GAN: variants seen among roughly 807,000 people sequenced by gnomAD.
GAN encodes gigaxonin.
A neutral mutation model predicts 71.3 loss-of-function variants in GAN; 48 were observed. That is an observed-to-expected ratio of 0.67 (90% CI 0.53 to 0.86). GAN has a LOEUF of 0.86. GAN is among the 40% of genes least tolerant of loss of function. The pLI, the probability that GAN is intolerant of heterozygous loss-of-function variation, is 0.00. For synonymous variants in GAN, 386 were observed against 276.8 expected, an observed-to-expected ratio of 1.39 and a Z score of -3.92; for missense variants, 928 against 770.1, an observed-to-expected ratio of 1.21 and a Z score of -2.43.
In GAN at chr16:81,345,562, CAG is replaced by C. The variant is rs1241536562; in HGVS notation, c.168-6020_168-6019del. On this transcript the variant is annotated intron_variant, in intron 1 of 10. Coordinates refer to ENST00000648994, the MANE Select transcript of GAN (RefSeq NM_022041.4). ...GTTGAACAATGAGAACACATGGACA[CAG>C]GGAGGGGAACATCGCACACTGGGGC... Among the ~76,000 whole-genome samples, 3 of 151,984 alleles carry C rather than the reference CAG, an allele frequency of 2.0e-5. No homozygotes were observed. The East Asian group carries it at 5.8e-4, about 29-fold the overall frequency.
At chr16:81,354,240 G>T (rs1322657383) in intron 2 of GAN, among the ~76,000 whole-genome samples, 165 bp from the exon 3 acceptor site, 2 of 89,186 alleles carry the variant, frequency 2.2e-5, no homozygotes, top group East Asian at 8.4e-4. Flanking sequence ...TCCAACTCTT[G>T]GAAAAAAAAA....
Position 81,378,054 on chromosome 16 carries a change from T to C in GAN, c.*458T>C, listed in dbSNP as rs555371884. 54 of 233,342 alleles carry C rather than the reference T, an allele frequency of 2.3e-4. No homozygotes were observed. The highest frequency in any genetic ancestry group is 1.1e-3 in the African/African-American group (49 of 44,578). 14.5% of individuals were successfully genotyped at this position (233,342 alleles called of 1,614,324 possible). On this transcript the variant is annotated 3_prime_UTR_variant, in exon 11 of 11. Coordinates refer to ENST00000648994, the MANE Select transcript of GAN (RefSeq NM_022041.4). ...TGCTTTTCCACTGCACTTGGAAGGA[T>C]ATATTATGCCTAACCCTGCCCAACA...
intron 1 of GAN, among the ~76,000 whole-genome samples, chr16:81,339,128 C>T (rs1409180655): frequency 6.6e-6 from 1 of 152,136 alleles, no homozygotes; most frequent in African/African-American, 2.4e-5. Context: ...GAAGAAGCAC[C>T]TATTAACCCC....
At position 81,314,980 on chromosome 16, in the gene GAN, C is replaced by T. The variant is rs762315554; in HGVS notation, c.-134C>T. The T allele has an allele frequency of 2.2e-5, 16 of 729,488 alleles. No individual in the cohort carries two copies. The highest frequency in any genetic ancestry group is 3.0e-5 in the Non-Finnish European group (15 of 506,232). 45.2% of individuals were successfully genotyped at this position (729,488 alleles called of 1,614,324 possible). On this transcript the variant is annotated 5_prime_UTR_variant, in exon 1 of 11. Transcript: ENST00000648994. The stretch of plus-strand genomic sequence containing the variant: ...GCGCCGCGGATAGCACAGGCACGTC[C>T]CGGGGGCTCCAGCTTCTGCTCAGAG...
At chr16:81,376,782 G>GT (rs1904282898) in intron 9 of GAN, among the ~76,000 whole-genome samples, 1 of 152,144 alleles carries the variant, frequency 6.6e-6, no homozygotes, top group East Asian at 1.9e-4. Flanking sequence ...GAAGGCTGGG[G>GT]TGGGAGGATC....
intron 2 of GAN, among the ~76,000 whole-genome samples, chr16:81,352,545 C>A (rs1910334243): frequency 1.3e-5 from 2 of 152,128 alleles, no homozygotes; most frequent in Non-Finnish European, 2.9e-5. Context: ...CCTACTCTCT[C>A]CTTTATTCTT....
At chr16:81,377,110 A>G in intron 9 of GAN, 109 bp from the exon 10 acceptor site, 1 of 795,268 alleles carries the variant, frequency 1.3e-6, no homozygotes, top group Non-Finnish European at 2.3e-6. Context: ...CGAGATTGGC[A>G]CAGTGCCTGA....
intron 1 of GAN, among the ~76,000 whole-genome samples, chr16:81,332,302 G>C (rs185402304): frequency 6.6e-6 from 1 of 152,226 alleles, no homozygotes; most frequent in African/African-American, 2.4e-5. Context: ...CAGACTGGCT[G>C]TGGGGTTGCA....
chr16:81,317,190 A>G (rs1173175528), intron 1 of GAN, among the ~76,000 whole-genome samples: 1 of 152,204 alleles, frequency 6.6e-6, no homozygotes. Context: ...TACTCTTTGC[A>G]CCCAGAAAGA....
intron 9 of GAN, among the ~76,000 whole-genome samples, chr16:81,367,169 A>G (rs902998640): frequency 2.4e-4 from 36 of 152,178 alleles, no homozygotes; most frequent in Admixed American, 1.3e-4. Flanking sequence ...TAATATAACT[A>G]TCACTTGCTT....
At chr16:81,371,576 C>T (rs1911037147) in intron 9 of GAN, among the ~76,000 whole-genome samples, 1 of 152,066 alleles carries the variant, frequency 6.6e-6, no homozygotes, top group African/African-American at 2.4e-5. Flanking sequence ...ATAGATGGTT[C>T]CAGGGTTAGT....
intron 9 of GAN, among the ~76,000 whole-genome samples, chr16:81,365,709 C>T (rs979135867): frequency 6.6e-6 from 1 of 151,272 alleles, no homozygotes; most frequent in African/African-American, 2.4e-5. Context: ...CGCTTAGTTG[C>T]TTAAAATCAT....
At position 81,388,832 on chromosome 16, in the gene GAN, C is replaced by T. The variant is rs1262530623; in HGVS notation, c.*11236C>T. 2 of 152,226 alleles carry T rather than the reference C, an allele frequency of 1.3e-5. No individual in the cohort carries two copies. The highest frequency in any genetic ancestry group is 2.9e-5 in the Non-Finnish European group (2 of 68,038). The allele number at this position is 152,226 out of a possible 1,614,324, so 9.4% of individuals were successfully genotyped here. Reference sequence around the variant, plus strand: ...ACTATGTTCCAAATCGTTGTGGGATCGGAAACTAGAACTGCTTGTTTCCAG... The same window carrying T: ...ACTATGTTCCAAATCGTTGTGGGATTGGAAACTAGAACTGCTTGTTTCCAG... On this transcript the variant is annotated 3_prime_UTR_variant, in exon 11 of 11. Coordinates refer to ENST00000648994, the MANE Select transcript of GAN (RefSeq NM_022041.4).
chr16:81,360,912 G>C (rs952899827), intron 5 of GAN, among the ~76,000 whole-genome samples: 2 of 152,116 alleles, frequency 1.3e-5, no homozygotes, highest in Non-Finnish European at 2.9e-5. Flanking sequence ...GTGGCTGCAT[G>C]CTGCTCATTT....
chr16:81,357,040 TG>T, intron 4 of GAN, 38 bp downstream of exon 4: 2 of 1,156,244 alleles, frequency 1.7e-6, no homozygotes, highest in South Asian at 1.2e-5. Context: ...AAGTGGTGTA[TG>T]GGAAGAGGTA....
intron 1 of GAN, among the ~76,000 whole-genome samples, chr16:81,329,261 G>C: frequency 6.6e-6 from 1 of 151,926 alleles, no homozygotes; most frequent in East Asian, 1.9e-4. Context: ...TGTAGGAGAT[G>C]TGCACATGTT....
Position 81,386,755 on chromosome 16 carries a change from T to A in GAN, c.*9159T>A, listed in dbSNP as rs1237341659. 6.6e-6 allele frequency: 1 copy of A among 152,292 alleles called. No individual in the cohort carries two copies. The highest frequency in any genetic ancestry group is 6.5e-5 in the Admixed American group (1 of 15,288). The allele number at this position is 152,292 out of a possible 1,614,324, so 9.4% of individuals were successfully genotyped here. ...TGAGGTCGGCAGTTTGAGACCAGCC[T>A]GACCAACGTGGAGAAACCCCGTCTC... On this transcript the variant is annotated 3_prime_UTR_variant, in exon 11 of 11. Transcript: ENST00000648994.
At chr16:81,330,939 G>A (rs1437278253) in intron 1 of GAN, among the ~76,000 whole-genome samples, 1 of 152,190 alleles carries the variant, frequency 6.6e-6, no homozygotes, top group Non-Finnish European at 1.5e-5. Flanking sequence ...AGGCATGGTG[G>A]TTCACGCCTG....
At position 81,363,866 on chromosome 16, in the gene GAN, G is replaced by C. The variant is rs1240641047; in HGVS notation, c.1159G>C (p.Glu387Gln). 1 of 1,611,090 alleles carries C rather than the reference G, an allele frequency of 6.2e-7. No individual in the cohort carries two copies. Among genetic ancestry groups the C allele is most frequent in the Non-Finnish European group, 8.5e-7 (1 of 1,177,324 alleles). Residue 387 changes from glutamate to glutamine, a missense_variant, in exon 7 of 11, where the codon GAG becomes CAG. Glu to Gln is a conservative substitution (Grantham distance 29). Transcript: ENST00000648994. ...YILGGEDGEK[E>Q]LISMECYDIY... is the part of the protein sequence containing the mutation. The stretch of plus-strand genomic sequence containing the variant: ...TTTGGGAGGAGAGGATGGTGAAAAG[G>C]AGCTGATTTCCATGGAGTGTTACGA...
Sources: gnomAD v4.1 joint callset for allele counts (sites outside exome capture counted in the v4.1 genomes callset) on GRCh38, gnomAD v4.1.1 for gene constraint, MANE v1.5 for transcripts, NCBI Gene and HGNC (gene_info 2026-07-23, HGNC 2026-07-21) for gene names.